The following TRAPPC6B variants were observed in gnomAD, a reference collection of about 807,000 sequenced individuals.
The protein encoded by TRAPPC6B is TRAPP complex subunit 6B.
A neutral mutation model predicts 24.7 loss-of-function variants in TRAPPC6B; 27 were observed. The ratio of observed to expected loss-of-function variants is 1.09; its 90% CI spans 0.81 to 1.51. The LOEUF (loss-of-function observed/expected upper bound fraction) is 1.51. Ranked by LOEUF, TRAPPC6B falls within the 40% of genes most tolerant of loss-of-function variation. TRAPPC6B has a pLI of 0.00. For missense variants in TRAPPC6B, 212 were observed against 190.8 expected, an observed-to-expected ratio of 1.11 and a Z score of -0.66; for synonymous variants, 80 against 66.6, an observed-to-expected ratio of 1.20 and a Z score of -0.98.
chr14:39,163,338 T>C (rs1323360961), intron 1 of TRAPPC6B, among the ~76,000 whole-genome samples: 5 of 137,578 alleles, frequency 3.6e-5, no homozygotes, highest in Non-Finnish European at 6.0e-5. Flanking sequence ...GCCACTGCAC[T>C]CCAGTCTGGG....
At chr14:39,154,617 G>A (rs143304614) in intron 3 of TRAPPC6B, among the ~76,000 whole-genome samples, 3 of 151,978 alleles carry the variant, frequency 2.0e-5, no homozygotes, top group Admixed American at 6.6e-5. Flanking sequence ...ATGGGGTTTC[G>A]CCATGTTGCC....
In TRAPPC6B at chr14:39,158,352, A is replaced by T. The variant is rs767643971; in HGVS notation, c.200T>A (p.Phe67Tyr). ...RFKDELDIMK[F>Y]ICKDFWTTVF... is the part of the protein sequence containing the mutation. Reference sequence around the variant, plus strand: ...CGTAGTCCAAAAATCTTTACAAATGAACTTCATGATATCTAACTCATCCTT... The same window carrying T: ...CGTAGTCCAAAAATCTTTACAAATGTACTTCATGATATCTAACTCATCCTT... The change falls in exon 3 of 6, where the codon TTC becomes TAC. Residue 67 changes from phenylalanine (F) to tyrosine (Y), a missense_variant. By Grantham distance (22) the Phe-to-Tyr change is conservative. Transcript: ENST00000330149. 12 of 1,605,182 alleles carry T rather than the reference A, an allele frequency of 7.5e-6. No individual in the cohort carries two copies. The highest frequency in any genetic ancestry group is 1.0e-5 in the Non-Finnish European group (12 of 1,178,004).
intron 1 of TRAPPC6B, among the ~76,000 whole-genome samples, chr14:39,167,962 C>T (rs1408713126): frequency 6.6e-6 from 1 of 152,008 alleles, no homozygotes; most frequent in African/African-American, 2.4e-5. Flanking sequence ...GCTTGTAATC[C>T]CAGCACTTTG....
intron 4 of TRAPPC6B, among the ~76,000 whole-genome samples, chr14:39,152,474 G>C (rs951675765): frequency 1.3e-5 from 2 of 152,154 alleles, no homozygotes; most frequent in Non-Finnish European, 2.9e-5. Flanking sequence ...GAACTGGATT[G>C]AAAAATTAGC....
intron 1 of TRAPPC6B, among the ~76,000 whole-genome samples, chr14:39,164,288 C>T (rs891342979): frequency 6.6e-6 from 1 of 152,066 alleles, no homozygotes; most frequent in African/African-American, 2.4e-5. Flanking sequence ...GTCAGGAGTT[C>T]GAGACCAGCT....
intron 1 of TRAPPC6B, among the ~76,000 whole-genome samples, chr14:39,163,758 T>G (rs1594543308): frequency 6.6e-6 from 1 of 151,052 alleles, no homozygotes; most frequent in African/African-American, 2.5e-5. Flanking sequence ...ACTCTGCTTA[T>G]GGTGCTGTGA....
Position 39,154,268 on chromosome 14 carries a change from T to C in TRAPPC6B, c.294A>G (p.Lys98=), listed in dbSNP as rs1186197499. Residue 98 remains lysine, a synonymous_variant, in exon 4 of 6, where the codon AAA becomes AAG. Coordinates refer to ENST00000330149, the MANE Select transcript of TRAPPC6B (RefSeq NM_001079537.2). ...HQGIYVLQDN[K]FRLLTQMSAG... is the part of the protein sequence containing the mutation. ...CAGACATCTGAGTAAGCAGGCGAAA[T>C]TTGTTGTCCTGAAGTACATAGATGC... The C allele has an allele frequency of 3.7e-6, 6 of 1,613,218 alleles. No individual in the cohort carries two copies. Among genetic ancestry groups the C allele is most frequent in the African/African-American group, 1.3e-5 (1 of 74,866 alleles).
In TRAPPC6B at chr14:39,148,429, T is replaced by C. The variant is rs890782033; in HGVS notation, c.*1921A>G. On this transcript the variant is annotated 3_prime_UTR_variant, in exon 6 of 6. Coordinates refer to ENST00000330149, the MANE Select transcript of TRAPPC6B (RefSeq NM_001079537.2). ...CCTATTCTATAGCACAAGGCAGCCA[T>C]ACAGAGTTTTAGGCCAAAAAAAAAG... The C allele has an allele frequency of 3.4e-5, 12 of 355,690 alleles. No homozygotes were observed. Among genetic ancestry groups the C allele is most frequent in the Non-Finnish European group, 4.5e-5 (9 of 199,428 alleles). The allele number at this position is 355,690 out of a possible 1,614,324, so 22.0% of individuals were successfully genotyped here.
intron 1 of TRAPPC6B, among the ~76,000 whole-genome samples, chr14:39,166,111 T>A (rs1378841506): frequency 6.6e-6 from 1 of 152,006 alleles, no homozygotes; most frequent in Non-Finnish European, 1.5e-5. Context: ...CTCTTTTTTT[T>A]TTTATTTAAA....
In TRAPPC6B at chr14:39,150,060, T is replaced by C; in HGVS notation, c.*290A>G. 4.0e-6 allele frequency: 1 copy of C among 247,900 alleles called. No individual in the cohort carries two copies. The allele number at this position is 247,900 out of a possible 1,614,324, so 15.4% of individuals were successfully genotyped here. ...ACAAACCCTGAGCTTTGTTTCTCCA[T>C]CTATGGCTAAATACATATCACTCTA... is the stretch of plus-strand genomic sequence containing the variant. On this transcript the variant is annotated 3_prime_UTR_variant, in exon 6 of 6. Transcript: ENST00000330149.
At chr14:39,152,006 C>A (rs1010310573) in intron 4 of TRAPPC6B, among the ~76,000 whole-genome samples, 167 bp from the exon 5 acceptor site, 1 of 152,102 alleles carries the variant, frequency 6.6e-6, no homozygotes, top group Non-Finnish European at 1.5e-5. Context: ...TTTCCCAGCT[C>A]CCTGGAAACT....
At position 39,148,568 on chromosome 14, in the gene TRAPPC6B, T is replaced by A. The variant is rs944883993; in HGVS notation, c.*1782A>T. On this transcript the variant is annotated 3_prime_UTR_variant, in exon 6 of 6. Coordinates refer to ENST00000330149, the MANE Select transcript of TRAPPC6B (RefSeq NM_001079537.2). ...GAACCCAGCTTTTTCACACACACAA[T>A]TCTCACACCTGTTTTATTTTGAAGT... The A allele has an allele frequency of 2.5e-6, 1 of 398,048 alleles. No individual in the cohort carries two copies. The highest frequency in any genetic ancestry group is 2.1e-5 in the African/African-American group (1 of 48,738). 24.7% of individuals were successfully genotyped at this position (398,048 alleles called of 1,614,324 possible).
intron 3 of TRAPPC6B, among the ~76,000 whole-genome samples, chr14:39,158,039 T>C (rs865894327): frequency 7.2e-5 from 11 of 152,338 alleles, no homozygotes; most frequent in South Asian, 6.2e-4. Flanking sequence ...TCCTGACTTA[T>C]GCTACTTTAA....
chr14:39,150,247 T>C lies in TRAPPC6B; in HGVS notation c.*103A>G. The C allele has an allele frequency of 2.1e-6, 2 of 971,538 alleles. No individual in the cohort carries two copies. The highest frequency in any genetic ancestry group is 3.1e-6 in the Non-Finnish European group (2 of 648,608). The allele number at this position is 971,538 out of a possible 1,614,324, so 60.2% of individuals were successfully genotyped here. On this transcript the variant is annotated 3_prime_UTR_variant, in exon 6 of 6. Coordinates refer to ENST00000330149, the MANE Select transcript of TRAPPC6B (RefSeq NM_001079537.2). ...ATTGATAAAAATACATGCTTACTCCTGTACAAACATCGAACAATGTAATTA... is the reference window on the plus strand; with the variant it reads ...ATTGATAAAAATACATGCTTACTCCCGTACAAACATCGAACAATGTAATTA...
At chr14:39,153,712 T>C (rs138001848) in intron 4 of TRAPPC6B, among the ~76,000 whole-genome samples, 226 of 150,964 alleles carry the variant, frequency 1.5e-3, no homozygotes, top group African/African-American at 5.2e-3. Context: ...TCTTTTTTTT[T>C]TTTTTTGAGA....
chr14:39,157,400 T>C, intron 3 of TRAPPC6B: 1 of 332,504 alleles, frequency 3.0e-6, no homozygotes, highest in Non-Finnish European at 5.8e-6. Flanking sequence ...AAGCAGAGGC[T>C]ATTGGCCCGG....
intron 1 of TRAPPC6B, among the ~76,000 whole-genome samples, chr14:39,165,088 C>G (rs575257733): frequency 6.6e-6 from 1 of 151,486 alleles, no homozygotes; most frequent in African/African-American, 2.4e-5. Flanking sequence ...CTCAGTTGCC[C>G]AGGCTGGAGT....
chr14:39,163,687 T>C (rs1479401071), intron 1 of TRAPPC6B, among the ~76,000 whole-genome samples: 1 of 150,914 alleles, frequency 6.6e-6, no homozygotes, highest in Non-Finnish European at 1.5e-5. Context: ...AGGCTGTTTG[T>C]CTCCCACTAA....
chr14:39,154,683 G>C (rs1267503529), intron 3 of TRAPPC6B, among the ~76,000 whole-genome samples: 3 of 152,076 alleles, frequency 2.0e-5, no homozygotes, highest in Admixed American at 1.3e-4. Flanking sequence ...ACCTCCCGAA[G>C]TGCTGGGATT....
Sources: gnomAD v4.1 joint callset for allele counts (sites outside exome capture counted in the v4.1 genomes callset) on GRCh38, gnomAD v4.1.1 for gene constraint, MANE v1.5 for transcripts, NCBI Gene and HGNC (gene_info 2026-07-23, HGNC 2026-07-21) for gene names.